The following MLPH variants were observed in gnomAD, a reference collection of about 807,000 sequenced individuals.
MLPH encodes melanophilin.
MLPH carries 51 observed loss-of-function variants against 72.1 expected under a neutral mutation model. The observed-to-expected ratio is 0.71, with a 90% CI of 0.56 to 0.89. The LOEUF is 0.89. MLPH is among the 40% of genes least tolerant of loss of function. MLPH has a pLI of 0.00. For synonymous variants in MLPH, 301 were observed against 310.1 expected, an observed-to-expected ratio of 0.97 and a Z score of 0.31; for missense variants, 743 against 759.9, an observed-to-expected ratio of 0.98 and a Z score of 0.26.
At chr2:237,520,930 A>G (rs142094805) in intron 6 of MLPH, among the ~76,000 whole-genome samples, 2 of 152,308 alleles carry the variant, frequency 1.3e-5, no homozygotes, top group African/African-American at 4.8e-5. Flanking sequence ...GAGAAGTTAA[A>G]TATCTGTAAT....
chr2:237,540,312 C>T, intron 9 of MLPH, 36 bp from the exon 10 acceptor site: 1 of 1,610,698 alleles, frequency 6.2e-7, no homozygotes, highest in Non-Finnish European at 8.5e-7. Context: ...CTCCAGATGG[C>T]TAGCCGAATC....
intron 7 of MLPH, among the ~76,000 whole-genome samples, chr2:237,526,481 C>A (rs546379697): frequency 7.6e-4 from 115 of 152,208 alleles, no homozygotes; most frequent in African/African-American, 2.2e-3. Context: ...CTGACGGGGA[C>A]CTTGGAGGCT....
In MLPH at chr2:237,505,484, G is replaced by T. The variant is rs553393217; in HGVS notation, c.111-5090G>T. ...GACCCCTCATGCAGGCTCTTCCCCC[G>T]CCTGTGTGCTGGACCTTGGGGATGG... On this transcript the variant is annotated intron_variant, in intron 2 of 15. Transcript: ENST00000264605. This position sits in a 1 kb window ranked among gnomAD's most constrained non-coding sequence, Gnocchi z 4.5. 1.3e-5 allele frequency among the ~76,000 whole-genome samples: 2 copies of T among 152,128 alleles called. No homozygotes were observed. The highest frequency in any genetic ancestry group is 4.8e-5 in the African/African-American group (2 of 41,420).
intron 2 of MLPH, among the ~76,000 whole-genome samples, chr2:237,500,941 G>A (rs1417448831): frequency 2.6e-5 from 4 of 151,934 alleles, no homozygotes; most frequent in African/African-American, 9.7e-5. Context: ...TCACCGTCTT[G>A]TTGTCCATTC....
Position 237,510,813 on chromosome 2 carries a change from G to A in MLPH, c.332+18G>A. The A allele has an allele frequency of 6.2e-7, 1 of 1,612,752 alleles. No individual in the cohort carries two copies. ...CTGGCCAGGTGAGCCCAGGCCTTGA[G>A]GTAAAATGACCTTGATAGTTTCTGG... On this transcript the variant is annotated intron_variant, in intron 3 of 15. Transcript: ENST00000264605. The surrounding 1 kb of genome is among the most constrained non-coding windows in gnomAD (Gnocchi z 4.4).
Position 237,505,513 on chromosome 2 carries a change from C to G in MLPH, c.111-5061C>G, listed in dbSNP as rs1237794573. On this transcript the variant is annotated intron_variant, in intron 2 of 15. Coordinates refer to ENST00000264605, the MANE Select transcript of MLPH (RefSeq NM_024101.7). The surrounding 1 kb of genome is among the most constrained non-coding windows in gnomAD (Gnocchi z 4.5). ...GTGTGCTGGACCTTGGGGATGGCCA[C>G]AGTGGGAGCTTCCCCCTGCTGTGCC... is the stretch of plus-strand genomic sequence containing the variant. Among the ~76,000 whole-genome samples the G allele has an allele frequency of 6.6e-6, 1 of 152,220 alleles. No homozygotes were observed. The highest frequency in any genetic ancestry group is 1.5e-5 in the Non-Finnish European group (1 of 68,028).
At chr2:237,496,838 G>A (rs1167225908) in intron 2 of MLPH, among the ~76,000 whole-genome samples, 1 of 152,252 alleles carries the variant, frequency 6.6e-6, no homozygotes, top group East Asian at 1.9e-4. Flanking sequence ...TGTCAAGGTA[G>A]TGTTAGGTCG....
chr2:237,542,188 G>A (rs995644980), intron 11 of MLPH, among the ~76,000 whole-genome samples: 1 of 152,046 alleles, frequency 6.6e-6, no homozygotes, highest in African/African-American at 2.4e-5. Context: ...TGGAATGGGG[G>A]CCAGGCAAGG....
At chr2:237,534,221 C>T (rs544775991) in intron 8 of MLPH, among the ~76,000 whole-genome samples, 4 of 152,332 alleles carry the variant, frequency 2.6e-5, no homozygotes, top group African/African-American at 9.6e-5. Flanking sequence ...TCTTCCTGTG[C>T]TGCTCGGTAC....
intron 15 of MLPH, 23 bp downstream of exon 15, chr2:237,552,460 G>A: frequency 2.5e-6 from 4 of 1,604,468 alleles, no homozygotes; most frequent in Non-Finnish European, 2.6e-6. Context: ...CTCATTCTCT[G>A]AGGAGTTTTT....
chr2:237,528,359 A>ATT (rs34696202), intron 8 of MLPH, among the ~76,000 whole-genome samples: 3 of 150,614 alleles, frequency 2.0e-5, no homozygotes, highest in East Asian at 1.9e-4. Flanking sequence ...TTTTTTTTTA[A>ATT]TTTTTTTTTG....
intron 2 of MLPH, among the ~76,000 whole-genome samples, chr2:237,497,173 G>A (rs527703727): frequency 2.6e-5 from 4 of 152,240 alleles, no homozygotes; most frequent in Non-Finnish European, 2.9e-5. Context: ...TAACGCTGCC[G>A]CTGACCTGGC....
At chr2:237,500,511 A>G (rs1181255272) in intron 2 of MLPH, among the ~76,000 whole-genome samples, 1 of 152,232 alleles carries the variant, frequency 6.6e-6, no homozygotes, top group East Asian at 1.9e-4. Flanking sequence ...AGGAGCTACT[A>G]CAGCAGCTAG....
intron 4 of MLPH, among the ~76,000 whole-genome samples, chr2:237,513,642 G>A (rs2079954516): frequency 1.3e-5 from 2 of 152,174 alleles, no homozygotes; most frequent in South Asian, 2.1e-4. Flanking sequence ...GTGACAAAAG[G>A]GACCAACACT....
At chr2:237,551,977 CAAA>C (rs1164035810) in intron 14 of MLPH, 190 of 159,446 alleles carry the variant, frequency 1.2e-3, no homozygotes, top group Middle Eastern at 5.8e-3. Flanking sequence ...GACTTTGTCT[CAAA>C]AAAAAAAAAA....
intron 9 of MLPH, among the ~76,000 whole-genome samples, chr2:237,535,840 C>T (rs960344174): frequency 2.0e-5 from 3 of 152,166 alleles, no homozygotes; most frequent in African/African-American, 4.8e-5. Flanking sequence ...TAGGTTACAG[C>T]TTACTAATTC....
At chr2:237,545,908 G>A (rs2080909031) in intron 12 of MLPH, 1 of 195,494 alleles carries the variant, frequency 5.1e-6, no homozygotes, top group African/African-American at 2.4e-5. Flanking sequence ...TCTGAGACAG[G>A]TCTCAGTCAA....
At chr2:237,489,456 C>A (rs2079385085) in intron 1 of MLPH, among the ~76,000 whole-genome samples, 1 of 152,142 alleles carries the variant, frequency 6.6e-6, no homozygotes, top group Non-Finnish European at 1.5e-5. Flanking sequence ...GAAATGTGCT[C>A]ATTTAGCCAC....
chr2:237,504,595 G>T lies in MLPH; in HGVS notation c.111-5979G>T, dbSNP rs899159863. 2.0e-5 allele frequency among the ~76,000 whole-genome samples: 3 copies of T among 152,266 alleles called. No homozygotes were observed. The East Asian group carries it at 5.8e-4, about 29-fold the overall frequency. On this transcript the variant is annotated intron_variant, in intron 2 of 15. Coordinates refer to ENST00000264605, the MANE Select transcript of MLPH (RefSeq NM_024101.7). ...AGTTGGACGGGAGCCACTGCCCCAC[G>T]GCCAGCCCTCAGCCTTGCAGAAGGG...
Sources: gnomAD v4.1 joint callset for allele counts (sites outside exome capture counted in the v4.1 genomes callset) on GRCh38, gnomAD v4.1.1 for gene constraint, Gnocchi (gnomAD v3.1) non-coding constraint, MANE v1.5 for transcripts, NCBI Gene and HGNC (gene_info 2026-07-23, HGNC 2026-07-21) for gene names.